The following FNBP1 variants were observed in gnomAD, a reference collection of about 807,000 sequenced individuals.
FNBP1 encodes the protein formin binding protein 1, also known as formin-binding protein 1.
FNBP1 carries 26 observed loss-of-function variants against 90.6 expected under a neutral mutation model. That is an observed-to-expected ratio of 0.29 (90% CI 0.21 to 0.40). FNBP1 has a LOEUF of 0.40. FNBP1 is among the 10% of genes least tolerant of loss of function. The probability of loss-of-function intolerance (pLI) is 1.00; values close to 1 mark genes in which losing one functional copy is unlikely to be tolerated. For synonymous variants in FNBP1, 260 were observed against 265.2 expected, an observed-to-expected ratio of 0.98 and a Z score of 0.19; for missense variants, 635 against 768.0, an observed-to-expected ratio of 0.83 and a Z score of 2.05.
intron 1 of FNBP1, among the ~76,000 whole-genome samples, chr9:130,035,072 C>G (rs1464110790): frequency 1.3e-5 from 2 of 152,124 alleles, no homozygotes; most frequent in African/African-American, 2.4e-5. Flanking sequence ...TCACTTGAAC[C>G]TAAGAGGCAG....
At chr9:129,975,036 T>A (rs1275497265) in intron 4 of FNBP1, among the ~76,000 whole-genome samples, 3 of 152,048 alleles carry the variant, frequency 2.0e-5, no homozygotes, top group African/African-American at 7.2e-5. Flanking sequence ...CTGGCCAACA[T>A]GATGAAACTC....
intron 4 of FNBP1, among the ~76,000 whole-genome samples, chr9:129,960,549 C>T (rs2047657328): frequency 6.6e-6 from 1 of 152,104 alleles, no homozygotes; most frequent in African/African-American, 2.4e-5. Flanking sequence ...TGCAAAGGCC[C>T]TGAGGCAGGC....
At position 130,042,274 on chromosome 9, in the gene FNBP1, A is replaced by T. The variant is rs756490686; in HGVS notation, c.24+678T>A. Among the ~76,000 whole-genome samples the T allele has an allele frequency of 6.6e-6, 1 of 152,086 alleles. No homozygotes were observed. The highest frequency in any genetic ancestry group is 1.5e-5 in the Non-Finnish European group (1 of 67,994). Reference sequence around the variant, plus strand: ...CCGCGAACGCCTCTTCCTGAGGTAGATCACGTAAGATCTCTCCCTAACTCC... The same window carrying T: ...CCGCGAACGCCTCTTCCTGAGGTAGTTCACGTAAGATCTCTCCCTAACTCC... On this transcript the variant is annotated intron_variant, in intron 1 of 16. Transcript: ENST00000446176. The surrounding 1 kb of genome is among the most constrained non-coding windows in gnomAD (Gnocchi z 5.5).
At position 130,036,079 on chromosome 9, in the gene FNBP1, C is replaced by T. The variant is rs558034552; in HGVS notation, c.24+6873G>A. ...CTAGGCTCAAGCTAGTATGAGTGTA[C>T]AAGTAAAACAGGAAACAAATATTCC... On this transcript the variant is annotated intron_variant, in intron 1 of 16. Transcript: ENST00000446176. Among the ~76,000 whole-genome samples the T allele has an allele frequency of 2.6e-5, 4 of 152,036 alleles. No individual in the cohort carries two copies. In the South Asian group the frequency reaches 8.3e-4, roughly 32 times the overall value.
At chr9:129,961,021 T>C (rs1328401559) in intron 4 of FNBP1, among the ~76,000 whole-genome samples, 1 of 151,980 alleles carries the variant, frequency 6.6e-6, no homozygotes, top group African/African-American at 2.4e-5. Flanking sequence ...GACTCCCAAG[T>C]AGAGAGACTA....
intron 2 of FNBP1, among the ~76,000 whole-genome samples, chr9:129,993,952 A>G (rs978536922): frequency 3.3e-5 from 5 of 152,098 alleles, no homozygotes; most frequent in Non-Finnish European, 7.4e-5. Context: ...ACTATTCCAC[A>G]TGACCCCTCA....
chr9:129,908,349 G>A (rs1425810864), intron 12 of FNBP1, among the ~76,000 whole-genome samples: 2 of 150,086 alleles, frequency 1.3e-5, no homozygotes, highest in African/African-American at 4.9e-5. Context: ...GACTACAGGT[G>A]CACACCATCA....
In FNBP1 at chr9:130,019,394, A is replaced by T. The variant is rs1234339274; in HGVS notation, c.24+23558T>A. ...ATGATTTTTTTTGGATTAAACTAAC[A>T]ATTAGATTGCATAGGTTTCATAAAA... On this transcript the variant is annotated intron_variant, in intron 1 of 16. Coordinates refer to ENST00000446176, the MANE Select transcript of FNBP1 (RefSeq NM_015033.3). 3.9e-5 allele frequency among the ~76,000 whole-genome samples: 6 copies of T among 152,172 alleles called. No individual in the cohort carries two copies. The South Asian group carries it at 1.2e-3, about 31-fold the overall frequency.
At chr9:129,988,408 G>A (rs1435186305) in intron 2 of FNBP1, among the ~76,000 whole-genome samples, 2 of 152,182 alleles carry the variant, frequency 1.3e-5, no homozygotes, top group Non-Finnish European at 2.9e-5. Context: ...GCCAGGTGCG[G>A]TGGCTCATGC....
At chr9:130,046,248 T>C (rs962158603), upstream of FNBP1, among the ~76,000 whole-genome samples, 5 of 152,016 alleles carry the variant, frequency 3.3e-5, no homozygotes, top group African/African-American at 1.2e-4. Context: ...AAGACAAGAT[T>C]AGAGGTGTGG....
chr9:129,898,016 G>C (rs2036114332), intron 15 of FNBP1, among the ~76,000 whole-genome samples: 1 of 151,928 alleles, frequency 6.6e-6, no homozygotes, highest in South Asian at 2.1e-4. Context: ...TTTTAGTAGA[G>C]ACGGGGTTTC....
chr9:130,010,932 G>A (rs908152996), intron 1 of FNBP1, among the ~76,000 whole-genome samples: 1 of 151,568 alleles, frequency 6.6e-6, no homozygotes, highest in African/African-American at 2.4e-5. Flanking sequence ...GACTTGCAGG[G>A]CTCAAGATAG....
intron 16 of FNBP1, 117 bp downstream of exon 16, chr9:129,895,721 G>A (rs2035599157): frequency 7.2e-7 from 1 of 1,393,924 alleles, no homozygotes; most frequent in South Asian, 1.7e-5. Flanking sequence ...CGTGCATTAT[G>A]GTGCTTGCCA....
In FNBP1 at chr9:129,893,637, A is replaced by AAAAAAAAAAAAAG. The variant is rs56397008; in HGVS notation, c.1846+2200_1846+2201insCTTTTTTTTTTTT. On this transcript the variant is annotated intron_variant, in intron 16 of 16. Coordinates refer to ENST00000446176, the MANE Select transcript of FNBP1 (RefSeq NM_015033.3). ...CAAAAAAAAAAAAAAAAAAAAAAAA[A>AAAAAAAAAAAAAG]GCCAGGCACGGGCTCATGCCTGTAA... Among the ~76,000 whole-genome samples, 76 of 62,242 alleles carry AAAAAAAAAAAAAG rather than the reference A, an allele frequency of 1.2e-3. 22 individuals carry two copies. The highest frequency in any genetic ancestry group is 2.3e-3 in the African/African-American group (25 of 11,026). The allele number at this position is 62,242 out of a possible 152,430, so 40.8% of individuals were successfully genotyped here.
intron 4 of FNBP1, among the ~76,000 whole-genome samples, chr9:129,967,108 G>T (rs1175488151): frequency 2.0e-5 from 3 of 152,210 alleles, no homozygotes; most frequent in African/African-American, 7.2e-5. Context: ...AAAGCTCTGG[G>T]TGACTATGTG....
rs183697875 is a variant in FNBP1 at position 129,907,223 on chromosome 9, G to A, written c.1295+1667C>T. On this transcript the variant is annotated intron_variant, in intron 12 of 16. Transcript: ENST00000446176. ...TTTCTAGAGCTTATAAGTTAGATGT[G>A]TCTTTTGTAGATAGCATACATTGCT... Among the ~76,000 whole-genome samples the A allele has an allele frequency of 9.3e-4, 141 of 152,008 alleles. 1 individual carries two copies. Among genetic ancestry groups the A allele is most frequent in the African/African-American group, 2.8e-3 (117 of 41,458 alleles).
chr9:129,967,695 C>T lies in FNBP1; in HGVS notation c.346-9142G>A, dbSNP rs559271701. ...GGCCGAACAAGAATCATGTGAGATA[C>T]GAAATGTGAGTCAAGTAATTCTCAC... On this transcript the variant is annotated intron_variant, in intron 4 of 16. Coordinates refer to ENST00000446176, the MANE Select transcript of FNBP1 (RefSeq NM_015033.3). Among the ~76,000 whole-genome samples the T allele has an allele frequency of 2.6e-5, 4 of 152,128 alleles. No homozygotes were observed. In the South Asian group the frequency reaches 6.2e-4, roughly 24 times the overall value.
At chr9:129,976,995 CATCTCTACGAAAA>C (rs2050422534) in intron 4 of FNBP1, among the ~76,000 whole-genome samples, 1 of 151,840 alleles carries the variant, frequency 6.6e-6, no homozygotes. Context: ...GGTGAAACCC[CATCTCTACGAAAA>C]ATACAAAAAA....
chr9:129,964,612 T>C (rs1433244493), intron 4 of FNBP1, among the ~76,000 whole-genome samples: 1 of 143,394 alleles, frequency 7.0e-6, no homozygotes, highest in Non-Finnish European at 1.5e-5. Flanking sequence ...AAAAAAAAAA[T>C]CACAGAGAAT....
Sources: gnomAD v4.1 joint callset for allele counts (sites outside exome capture counted in the v4.1 genomes callset) on GRCh38, gnomAD v4.1.1 for gene constraint, Gnocchi (gnomAD v3.1) non-coding constraint, MANE v1.5 for transcripts, NCBI Gene and HGNC (gene_info 2026-07-23, HGNC 2026-07-21) for gene names.